The following KIF26B variants were observed in gnomAD, a reference collection of about 807,000 sequenced individuals.
KIF26B encodes the protein kinesin-like protein KIF26B.
KIF26B carries 63 observed loss-of-function variants against 151.2 expected under a neutral mutation model. The observed-to-expected ratio is 0.42, with a 90% CI of 0.34 to 0.51. KIF26B has a LOEUF of 0.51. Among genes scored for constraint, KIF26B ranks in the 20% least tolerant of loss-of-function variants. KIF26B has a pLI of 0.07. For missense variants in KIF26B, 2,813 were observed against 2,913.6 expected (o/e 0.97, Z 0.79); for synonymous variants, 1,357 against 1,262.1 (o/e 1.08, Z -1.59).
chr1:245,640,143 C>CTCTCTCTCTCTCTATATA, intron 9 of KIF26B, among the ~76,000 whole-genome samples: 1 of 31,924 alleles, frequency 3.1e-5, no homozygotes, highest in African/African-American at 1.4e-4. Context: ...CTCTCTCTCT[C>CTCTCTCTCTCTCTATATA]TATATATATA....
chr1:245,679,433 GTTTTTTGTGTT>G (rs1307382641), intron 10 of KIF26B, among the ~76,000 whole-genome samples: 18 of 136,342 alleles, frequency 1.3e-4, no homozygotes, highest in African/African-American at 4.7e-4. Context: ...AAATCTGGGG[GTTTTTTGTGTT>G]TTTTTTGTGT....
intron 9 of KIF26B, among the ~76,000 whole-genome samples, chr1:245,617,776 G>A (rs2043608378): frequency 6.6e-6 from 1 of 152,128 alleles, no homozygotes; most frequent in African/African-American, 2.4e-5. Flanking sequence ...ATCTTCTCAA[G>A]CCTCCTGGCC....
At chr1:245,388,555 AG>A (rs1253482766) in intron 3 of KIF26B, among the ~76,000 whole-genome samples, 1 of 152,196 alleles carries the variant, frequency 6.6e-6, no homozygotes, top group African/African-American at 2.4e-5. Flanking sequence ...CCCCATAAAC[AG>A]GAGTGTGACT....
Position 245,167,278 on chromosome 1 carries a change from A to G in KIF26B, c.465+10595A>G, listed in dbSNP as rs1235266136. On this transcript the variant is annotated intron_variant, in intron 2 of 14. Transcript: ENST00000407071. The surrounding 1 kb of genome is among the most constrained non-coding windows in gnomAD (Gnocchi z 4.2). ...GTGACAAATAGAAACTTTTATTTTG[A>G]TATGTCCTTATCTAAGTGATGTCTG... Among the ~76,000 whole-genome samples the G allele has an allele frequency of 1.3e-5, 2 of 151,964 alleles. No homozygotes were observed. The highest frequency in any genetic ancestry group is 2.4e-5 in the African/African-American group (1 of 41,344).
chr1:245,350,705 A>C (rs1672550139), intron 2 of KIF26B, among the ~76,000 whole-genome samples: 1 of 152,136 alleles, frequency 6.6e-6, no homozygotes, highest in Non-Finnish European at 1.5e-5. Context: ...CCAGGATCCC[A>C]GGTATGGTCT....
chr1:245,390,628 T>TC (rs1015459150), intron 3 of KIF26B, among the ~76,000 whole-genome samples: 13 of 152,194 alleles, frequency 8.5e-5, no homozygotes, highest in Admixed American at 6.5e-4. Flanking sequence ...TACTAGCCTT[T>TC]CCCCCTCTGC....
chr1:245,178,210 A>G (rs1177238824), intron 2 of KIF26B, among the ~76,000 whole-genome samples: 1 of 152,224 alleles, frequency 6.6e-6, no homozygotes, highest in East Asian at 1.9e-4. Flanking sequence ...TTCAGAAAAC[A>G]GATAACCTAC....
chr1:245,386,205 C>T (rs192440415), intron 3 of KIF26B, among the ~76,000 whole-genome samples: 19 of 152,144 alleles, frequency 1.2e-4, no homozygotes, highest in African/African-American at 4.6e-4. Context: ...TGTGCCATTG[C>T]ACTCCAGCCT....
chr1:245,596,228 C>T (rs1447828159), intron 5 of KIF26B, among the ~76,000 whole-genome samples: 5 of 152,090 alleles, frequency 3.3e-5, no homozygotes, highest in Non-Finnish European at 7.3e-5. Context: ...TCTTGCTTCT[C>T]TAGTTCTTTT....
At chr1:245,650,433 G>C (rs2044002744) in intron 10 of KIF26B, among the ~76,000 whole-genome samples, 1 of 152,272 alleles carries the variant, frequency 6.6e-6, no homozygotes, top group Non-Finnish European at 1.5e-5. Flanking sequence ...GGATCTGTCA[G>C]GGTGAACTGA....
At chr1:245,285,994 T>A in intron 2 of KIF26B, among the ~76,000 whole-genome samples, 1 of 97,996 alleles carries the variant, frequency 1.0e-5, no homozygotes. Flanking sequence ...CAAGACCCTC[T>A]CTCTAAAAAA....
intron 2 of KIF26B, among the ~76,000 whole-genome samples, chr1:245,261,025 CTCTG>C (rs10539337): frequency 0.12 from 17,497 of 151,354 alleles, 1,102 homozygotes; most frequent in African/African-American, 0.16. Flanking sequence ...CTTCCTTCCT[CTCTG>C]TCTTTCTTTC....
chr1:245,453,132 T>C (rs1007936817), intron 4 of KIF26B, among the ~76,000 whole-genome samples: 2 of 152,166 alleles, frequency 1.3e-5, no homozygotes, highest in Admixed American at 1.3e-4. Context: ...GGGCCCAACT[T>C]CATTCCTTTG....
intron 5 of KIF26B, among the ~76,000 whole-genome samples, chr1:245,590,296 C>T (rs1390001625): frequency 1.4e-5 from 2 of 147,134 alleles, no homozygotes; most frequent in African/African-American, 2.5e-5. Flanking sequence ...TTTGTGCCCC[C>T]GGGGCGGCTG....
intron 2 of KIF26B, among the ~76,000 whole-genome samples, chr1:245,234,894 C>T (rs1012857948): frequency 3.9e-5 from 6 of 152,162 alleles, no homozygotes; most frequent in Admixed American, 3.9e-4. Context: ...GGCCCATTAG[C>T]CAATCCGTTG....
rs74376943 is a variant in KIF26B, at chr1:245,321,242, A to G, written c.466-45592A>G. On this transcript the variant is annotated intron_variant, in intron 2 of 14. Transcript: ENST00000407071. Reference sequence around the variant, plus strand: ...CTTTTCTAGAATGTCAGATAGTTGTAACCATGTACTGTGCCTTTACCACCA... The same window carrying G: ...CTTTTCTAGAATGTCAGATAGTTGTGACCATGTACTGTGCCTTTACCACCA... Among the ~76,000 whole-genome samples the G allele has an allele frequency of 1.8e-3, 268 of 152,328 alleles. 1 individual carries two copies. Among genetic ancestry groups the G allele is most frequent in the Non-Finnish European group, 3.5e-3 (236 of 68,028 alleles).
At chr1:245,634,666 TA>T (rs2043816532) in intron 9 of KIF26B, among the ~76,000 whole-genome samples, 1 of 152,190 alleles carries the variant, frequency 6.6e-6, no homozygotes. Context: ...ATTCCTGAAA[TA>T]AACCTCACTT....
intron 2 of KIF26B, among the ~76,000 whole-genome samples, chr1:245,184,642 A>G (rs1323818397): frequency 4.6e-5 from 7 of 152,248 alleles, no homozygotes; most frequent in African/African-American, 1.7e-4. Flanking sequence ...CAAATTAAAT[A>G]TGGAGTGTTA....
Position 245,511,183 on chromosome 1 carries a change from T to G in KIF26B, c.1167-29584T>G, listed in dbSNP as rs79838909. The stretch of plus-strand genomic sequence containing the variant: ...AGTTAGGTGGTCTGTTTTCTTGCTA[T>G]TTTTTTTTTACTTTAACTTTTTCAG... On this transcript the variant is annotated intron_variant, in intron 4 of 14. Coordinates refer to ENST00000407071, the MANE Select transcript of KIF26B (RefSeq NM_018012.4). 51 of 454,372 alleles carry G rather than the reference T, an allele frequency of 1.1e-4. No homozygotes were observed. In the Admixed American group the frequency reaches 1.3e-3, roughly 12 times the overall value. The allele number at this position is 454,372 out of a possible 1,614,324, so 28.1% of individuals were successfully genotyped here. A position where few individuals can be genotyped will look rare whatever the true frequency, so the allele number is the denominator to read the frequency against.
Sources: allele counts gnomAD v4.1 joint callset (sites outside exome capture counted in the v4.1 genomes callset), GRCh38; gene constraint gnomAD v4.1.1; non-coding constraint Gnocchi (gnomAD v3.1); transcripts MANE v1.5; gene names NCBI Gene and HGNC (gene_info 2026-07-23, HGNC 2026-07-21).